Variants in CAMK1D observed in about 807,000 individuals in gnomAD.
The protein encoded by CAMK1D is calcium/calmodulin dependent protein kinase ID, also known as calcium/calmodulin-dependent protein kinase type 1D.
In CAMK1D, 9 loss-of-function variants were observed where a neutral mutation model predicts 47.7. The ratio of observed to expected loss-of-function variants is 0.19; its 90% CI spans 0.11 to 0.33. The LOEUF is 0.33. Among genes scored for constraint, CAMK1D ranks in the 10% least tolerant of loss-of-function variants. The pLI, the probability that CAMK1D is intolerant of heterozygous loss-of-function variation, is 1.00. For synonymous variants in CAMK1D, 184 were observed against 184.9 expected (o/e 0.99, Z 0.04); for missense variants, 291 against 488.7 (o/e 0.60, Z 3.81).
intron 2 of CAMK1D, among the ~76,000 whole-genome samples, chr10:12,630,835 C>T (rs1488929234): frequency 2.0e-5 from 3 of 152,154 alleles, no homozygotes; most frequent in Non-Finnish European, 4.4e-5. Context: ...AATGTAGCAA[C>T]TTGTAAAATG....
At chr10:12,626,475 C>CTTTTT (rs35033817) in intron 2 of CAMK1D, among the ~76,000 whole-genome samples, 53 of 136,270 alleles carry the variant, frequency 3.9e-4, no homozygotes, top group Non-Finnish European at 6.6e-4. Flanking sequence ...TTCTTTCTTT[C>CTTTTT]TTTTTTTTTT....
At chr10:12,594,292 C>T (rs534503383) in intron 2 of CAMK1D, among the ~76,000 whole-genome samples, 51 of 152,256 alleles carry the variant, frequency 3.3e-4, no homozygotes, top group African/African-American at 1.2e-3. Context: ...TAACAGGCAC[C>T]ACCTAGCAAC....
chr10:12,651,854 C>T (rs1035514347), intron 2 of CAMK1D, among the ~76,000 whole-genome samples: 2 of 151,996 alleles, frequency 1.3e-5, no homozygotes, highest in Non-Finnish European at 2.9e-5. Context: ...TCTCGGCTCA[C>T]TGCAAGCCAC....
At chr10:12,361,889 G>C (rs372590172) in intron 1 of CAMK1D, among the ~76,000 whole-genome samples, 4 of 151,832 alleles carry the variant, frequency 2.6e-5, no homozygotes, top group Non-Finnish European at 4.4e-5. Flanking sequence ...ATAGTTAAAC[G>C]CCTCCTCCAG....
chr10:12,614,826 C>T (rs1838733989), intron 2 of CAMK1D, among the ~76,000 whole-genome samples: 1 of 152,188 alleles, frequency 6.6e-6, no homozygotes, highest in Non-Finnish European at 1.5e-5. Flanking sequence ...GTCTCATATC[C>T]TCTGATTCTT....
intron 1 of CAMK1D, among the ~76,000 whole-genome samples, chr10:12,384,668 C>G (rs956400400): frequency 2.6e-5 from 4 of 152,118 alleles, no homozygotes; most frequent in African/African-American, 7.2e-5. Context: ...TTGTCTCACA[C>G]TGTATGTAAA....
At chr10:12,425,287 T>TC (rs57275349) in intron 1 of CAMK1D, among the ~76,000 whole-genome samples, 122 of 146,416 alleles carry the variant, frequency 8.3e-4, no homozygotes, top group African/African-American at 2.3e-3. Flanking sequence ...TTTCTTTCTT[T>TC]TTTTTTTTTT....
At chr10:12,690,957 G>A (rs1319261905) in intron 3 of CAMK1D, among the ~76,000 whole-genome samples, 1 of 152,110 alleles carries the variant, frequency 6.6e-6, no homozygotes, top group East Asian at 1.9e-4. Context: ...TTTTTCATCT[G>A]TCATTTTAGC....
chr10:12,807,541 T>C (rs10906227), intron 6 of CAMK1D, among the ~76,000 whole-genome samples: 71,172 of 151,854 alleles, frequency 0.47, 18,367 homozygotes, highest in East Asian at 0.69. Flanking sequence ...CTCCTCACCC[T>C]GCCTTCAAAG....
chr10:12,677,472 C>CTAA (rs1456373983), intron 3 of CAMK1D, among the ~76,000 whole-genome samples: 1 of 152,108 alleles, frequency 6.6e-6, no homozygotes, highest in Non-Finnish European at 1.5e-5. Context: ...ACAATCGATG[C>CTAA]TCCTCAGTAG....
At chr10:12,662,002 G>A (rs1489068713) in intron 2 of CAMK1D, among the ~76,000 whole-genome samples, 1 of 152,140 alleles carries the variant, frequency 6.6e-6, no homozygotes, top group Non-Finnish European at 1.5e-5. Flanking sequence ...TGGATGGGAT[G>A]GTAAAACACA....
At chr10:12,724,258 G>A (rs1221498161) in intron 3 of CAMK1D, among the ~76,000 whole-genome samples, 1 of 152,180 alleles carries the variant, frequency 6.6e-6, no homozygotes, top group Non-Finnish European at 1.5e-5. Flanking sequence ...CAAAGTGCTG[G>A]GCCTCCATTA....
intron 2 of CAMK1D, among the ~76,000 whole-genome samples, chr10:12,601,777 A>G (rs1367235473): frequency 2.6e-5 from 4 of 152,164 alleles, no homozygotes; most frequent in Non-Finnish European, 5.9e-5. Flanking sequence ...TCATTTCTTA[A>G]AGAGACAAAT....
intron 1 of CAMK1D, among the ~76,000 whole-genome samples, chr10:12,501,030 A>T (rs1233914376): frequency 6.6e-6 from 1 of 152,142 alleles, no homozygotes; most frequent in Non-Finnish European, 1.5e-5. Flanking sequence ...AATCATGGGT[A>T]TATCTGGCAC....
rs1174094974 is a variant in CAMK1D, at chr10:12,622,646, G to A, written c.225-44090G>A. On this transcript the variant is annotated intron_variant, in intron 2 of 10. Transcript: ENST00000619168. ...AGACAGCTGGATTTTGAGCCCCATG[G>A]TTTAGCACCCAGGTCCTTGTCCTTA... Among the ~76,000 whole-genome samples, 5 of 152,074 alleles carry A rather than the reference G, an allele frequency of 3.3e-5. No homozygotes were observed. In the South Asian group the frequency reaches 8.3e-4, roughly 25 times the overall value.
chr10:12,638,315 T>G (rs902858022), intron 2 of CAMK1D, among the ~76,000 whole-genome samples: 1 of 152,190 alleles, frequency 6.6e-6, no homozygotes, highest in African/African-American at 2.4e-5. Context: ...CTGCTTGCTA[T>G]TCACGCTAGC....
chr10:12,816,681 T>C (rs957978361), intron 8 of CAMK1D, among the ~76,000 whole-genome samples: 3 of 151,804 alleles, frequency 2.0e-5, no homozygotes, highest in Admixed American at 6.6e-5. Flanking sequence ...CCAGCCTGGC[T>C]AACATGGTGA....
intron 3 of CAMK1D, among the ~76,000 whole-genome samples, chr10:12,667,984 G>A (rs1040770424): frequency 1.3e-5 from 2 of 152,210 alleles, no homozygotes; most frequent in African/African-American, 4.8e-5. Context: ...TCCAGGTGGT[G>A]ACTAGCAGTT....
chr10:12,405,146 T>C (rs928895315), intron 1 of CAMK1D, among the ~76,000 whole-genome samples: 3 of 152,200 alleles, frequency 2.0e-5, no homozygotes, highest in Non-Finnish European at 4.4e-5. Context: ...GCCATCGTAT[T>C]GTGGGTAAAT....
Sources: gnomAD v4.1 joint callset for allele counts (sites outside exome capture counted in the v4.1 genomes callset) on GRCh38, gnomAD v4.1.1 for gene constraint, MANE v1.5 for transcripts, NCBI Gene and HGNC (gene_info 2026-07-23, HGNC 2026-07-21) for gene names.